Variants in GABRG3 observed in about 807,000 individuals in gnomAD.
GABRG3 encodes the protein gamma-aminobutyric acid receptor subunit gamma-3.
In GABRG3, 25 loss-of-function variants were observed where a neutral mutation model predicts 48.8. That is an observed-to-expected ratio of 0.51 (90% CI 0.37 to 0.72). The LOEUF is 0.72. Among genes scored for constraint, GABRG3 ranks in the 30% least tolerant of loss-of-function variants. The pLI, the probability that GABRG3 is intolerant of heterozygous loss-of-function variation, is 0.00. For missense variants in GABRG3, 394 were observed against 577.9 expected (o/e 0.68, Z 3.26); for synonymous variants, 227 against 217.6 (o/e 1.04, Z -0.38).
At chr15:27,491,588 A>G (rs1472739289) in intron 6 of GABRG3, among the ~76,000 whole-genome samples, 1 of 152,188 alleles carries the variant, frequency 6.6e-6, no homozygotes, top group Non-Finnish European at 1.5e-5. Flanking sequence ...TTGGATTTCA[A>G]ACATCTGCTG....
chr15:27,493,277 AT>A, intron 6 of GABRG3, among the ~76,000 whole-genome samples: 1 of 152,304 alleles, frequency 6.6e-6, no homozygotes, highest in East Asian at 1.9e-4. Context: ...TTTTAAAAAA[AT>A]CTCAAAAGTG....
chr15:27,391,946 A>T (rs977138545), intron 5 of GABRG3, among the ~76,000 whole-genome samples: 1 of 152,234 alleles, frequency 6.6e-6, no homozygotes, highest in Non-Finnish European at 1.5e-5. Context: ...CTTGGATGAG[A>T]ATCATGTGCT....
intron 3 of GABRG3, among the ~76,000 whole-genome samples, chr15:27,209,347 TTTCC>T (rs199748762): frequency 0.2 from 29,713 of 151,296 alleles, 3,011 homozygotes; most frequent in East Asian, 0.32. Context: ...TCTTTCTTTC[TTTCC>T]TTCCTTCCTT....
intron 3 of GABRG3, among the ~76,000 whole-genome samples, chr15:27,036,462 C>T (rs1005716228): frequency 2.2e-4 from 33 of 152,236 alleles, no homozygotes; most frequent in African/African-American, 7.0e-4. Flanking sequence ...GAAGCTGAGG[C>T]GGGCGGATCA....
chr15:27,074,635 G>A (rs61032883), intron 3 of GABRG3, among the ~76,000 whole-genome samples: 2,791 of 150,046 alleles, frequency 0.019, 97 homozygotes, highest in African/African-American at 0.066. Context: ...ATATTCCATA[G>A]CATTTACTTT....
intron 3 of GABRG3, among the ~76,000 whole-genome samples, chr15:27,267,374 T>C (rs1034018801): frequency 3.3e-5 from 5 of 152,008 alleles, no homozygotes; most frequent in African/African-American, 1.2e-4. Flanking sequence ...CCCAAAGTGT[T>C]GGGATTACAG....
At chr15:27,466,632 C>T (rs893266344) in intron 5 of GABRG3, among the ~76,000 whole-genome samples, 12 of 152,246 alleles carry the variant, frequency 7.9e-5, no homozygotes, top group Non-Finnish European at 1.2e-4. Context: ...ACAAATATCA[C>T]TCTTCTGTAG....
chr15:27,054,056 G>A (rs897982936), intron 3 of GABRG3, among the ~76,000 whole-genome samples: 5 of 152,044 alleles, frequency 3.3e-5, no homozygotes, highest in South Asian at 2.1e-4. Flanking sequence ...TCAGGAGTTC[G>A]AGACCAGCCT....
At chr15:27,144,612 C>T (rs929316648) in intron 3 of GABRG3, among the ~76,000 whole-genome samples, 5 of 152,156 alleles carry the variant, frequency 3.3e-5, no homozygotes, top group African/African-American at 7.2e-5. Context: ...GCATAAGAGG[C>T]CTTTGAAAAG....
chr15:27,362,000 G>A (rs1390371294), intron 5 of GABRG3, among the ~76,000 whole-genome samples: 1 of 152,142 alleles, frequency 6.6e-6, no homozygotes, highest in African/African-American at 2.4e-5. Flanking sequence ...ATATATACAT[G>A]TATATCTTGC....
chr15:27,521,653 G>C (rs934123160), intron 7 of GABRG3, among the ~76,000 whole-genome samples: 3 of 151,982 alleles, frequency 2.0e-5, no homozygotes, highest in African/African-American at 7.2e-5. Flanking sequence ...GAATAGATGG[G>C]TTATCTCATC....
At chr15:27,189,136 T>C (rs1479136996) in intron 3 of GABRG3, among the ~76,000 whole-genome samples, 8 of 151,832 alleles carry the variant, frequency 5.3e-5, no homozygotes, top group Non-Finnish European at 1.2e-4. Context: ...TGTAGCCTTG[T>C]AGTATAGTTT....
intron 5 of GABRG3, among the ~76,000 whole-genome samples, chr15:27,339,951 G>C (rs1264125373): frequency 6.6e-6 from 1 of 152,134 alleles, no homozygotes; most frequent in Non-Finnish European, 1.5e-5. Flanking sequence ...AGTTGATGGA[G>C]GGAGGAGGCG....
At chr15:27,444,139 T>C (rs917339831) in intron 5 of GABRG3, among the ~76,000 whole-genome samples, 5 of 152,222 alleles carry the variant, frequency 3.3e-5, no homozygotes, top group Non-Finnish European at 7.4e-5. Flanking sequence ...ACTTTTCATG[T>C]TAACCTTCTG....
At chr15:27,100,079 G>A (rs865834483) in intron 3 of GABRG3, among the ~76,000 whole-genome samples, 5 of 152,094 alleles carry the variant, frequency 3.3e-5, no homozygotes, top group Middle Eastern at 3.4e-3. Context: ...TTAGCTGGGT[G>A]TGGTGGTGCA....
intron 3 of GABRG3, among the ~76,000 whole-genome samples, chr15:27,212,712 C>T (rs80048951): frequency 3.3e-5 from 5 of 152,288 alleles, no homozygotes; most frequent in Middle Eastern, 3.4e-3. Context: ...TTTGTACTCA[C>T]GAAACACTAA....
intron 3 of GABRG3, among the ~76,000 whole-genome samples, chr15:27,060,709 T>C (rs1353799202): frequency 1.3e-5 from 2 of 152,182 alleles, no homozygotes; most frequent in African/African-American, 4.8e-5. Flanking sequence ...GAGACCAAGC[T>C]GTAGGGTGTA....
At chr15:27,124,624 C>G (rs947641149) in intron 3 of GABRG3, among the ~76,000 whole-genome samples, 43 of 152,298 alleles carry the variant, frequency 2.8e-4, no homozygotes, top group African/African-American at 9.9e-4. Flanking sequence ...ATGCCTCAGT[C>G]TTTCAGAGCC....
chr15:27,374,977 G>A (rs1173563358), intron 5 of GABRG3, among the ~76,000 whole-genome samples: 5 of 152,126 alleles, frequency 3.3e-5, no homozygotes, highest in Non-Finnish European at 7.3e-5. Context: ...AACACAATGG[G>A]GTACAGATGG....
Sources: allele counts gnomAD v4.1 joint callset (sites outside exome capture counted in the v4.1 genomes callset), GRCh38; gene constraint gnomAD v4.1.1; transcripts MANE v1.5; gene names NCBI Gene and HGNC (gene_info 2026-07-23, HGNC 2026-07-21).